Variants in GLO1 observed in about 807,000 individuals in gnomAD.
GLO1 encodes glyoxalase I.
In GLO1, 28 loss-of-function variants were observed where a neutral mutation model predicts 26.0. The ratio of observed to expected loss-of-function variants is 1.08; its 90% confidence interval spans 0.80 to 1.48. The LOEUF is 1.48. Ranked by LOEUF, GLO1 falls within the 40% of genes most tolerant of loss-of-function variation. The pLI, the probability that GLO1 is intolerant of heterozygous loss-of-function variation, is 0.00. For synonymous variants in GLO1, 78 were observed against 77.6 expected, an observed-to-expected ratio of 1.00 and a Z score of -0.03; for missense variants, 225 against 224.8, an observed-to-expected ratio of 1.00 and a Z score of -0.01.
rs1761237610 is a variant in GLO1, at chr6:38,676,255, A to G, written c.*1040T>C. On this transcript the variant is annotated 3_prime_UTR_variant, in exon 6 of 6. Coordinates refer to ENST00000373365, the MANE Select transcript of GLO1 (RefSeq NM_006708.3). ...TTTCTGATAACTAAGTTATCACTGA[A>G]CATAATTTATCATATATGGCTACTG... The G allele has an allele frequency of 6.6e-6, 1 of 152,200 alleles. No individual in the cohort carries two copies. Among genetic ancestry groups the G allele is most frequent in the African/African-American group, 2.4e-5 (1 of 41,444 alleles). 9.4% of individuals were successfully genotyped at this position (152,200 alleles called of 1,614,324 possible).
intron 1 of GLO1, among the ~76,000 whole-genome samples, chr6:38,697,099 G>A (rs1170828160): frequency 2.6e-5 from 4 of 151,940 alleles, no homozygotes. Flanking sequence ...ATTTTTAGTA[G>A]ACACAGGGTT....
intron 1 of GLO1, among the ~76,000 whole-genome samples, chr6:38,700,929 G>A (rs779392026): frequency 5.3e-5 from 8 of 151,882 alleles, no homozygotes; most frequent in Non-Finnish European, 7.4e-5. Context: ...ACAGGTGCCC[G>A]CCACCATGCC....
At chr6:38,694,120 G>A (rs1761574603) in intron 1 of GLO1, among the ~76,000 whole-genome samples, 1 of 152,070 alleles carries the variant, frequency 6.6e-6, no homozygotes, top group Non-Finnish European at 1.5e-5. Flanking sequence ...TTCTTATTAT[G>A]TTTCTGCTAC....
In GLO1 at chr6:38,703,033, A is replaced by G. The variant is rs755212608; in HGVS notation, c.22T>C (p.Ser8Pro). Residue 8 changes from serine (S) to proline (P), a missense_variant, in exon 1 of 6, where the codon TCC (serine) becomes CCC (proline). By Grantham distance (74) the Ser-to-Pro change is moderately conservative (BLOSUM62 -1). Transcript: ENST00000373365. ...GCGGCCTCGTCCGTGAGGCCGCCGG[A>G]CGGGGGCTGCGGTTCTGCCATGGCT... MAEPQPP[S>P]GGLTDEAALS... 7 of 1,592,618 alleles carry G rather than the reference A, an allele frequency of 4.4e-6. No individual in the cohort carries two copies. The highest frequency in any genetic ancestry group is 6.0e-6 in the Non-Finnish European group (7 of 1,165,526).
chr6:38,699,302 T>C (rs541797922), intron 1 of GLO1, among the ~76,000 whole-genome samples: 2 of 152,338 alleles, frequency 1.3e-5, no homozygotes, highest in South Asian at 2.1e-4. Context: ...AATCTCTTAA[T>C]CCTGTTATCT....
At chr6:38,681,252 C>T (rs903091801) in intron 5 of GLO1, among the ~76,000 whole-genome samples, 3 of 152,104 alleles carry the variant, frequency 2.0e-5, no homozygotes, top group Admixed American at 6.6e-5. Context: ...TTGGTAGAGA[C>T]AGGGTTTCAC....
Position 38,684,369 on chromosome 6 carries a change from C to T in GLO1, c.308+5G>A. The T allele has an allele frequency of 7.2e-7, 1 of 1,389,234 alleles. No individual in the cohort carries two copies. The allele number at this position is 1,389,234 out of a possible 1,614,324, so 86.1% of individuals were successfully genotyped here. A position where few individuals can be genotyped will look rare whatever the true frequency, so the allele number is the denominator to read the frequency against. On this transcript the variant is annotated splice_donor_5th_base_variant and intron_variant, in intron 3 of 5. Coordinates refer to ENST00000373365, the MANE Select transcript of GLO1 (RefSeq NM_006708.3). The stretch of plus-strand genomic sequence containing the variant: ...ATATATATAAATATAGAAACTCATA[C>T]TCACTGTGTCAGCTCAAGTGTAGCT...
chr6:38,681,352 A>G (rs185101249), intron 5 of GLO1, among the ~76,000 whole-genome samples: 204 of 152,292 alleles, frequency 1.3e-3, no homozygotes, highest in Admixed American at 7.6e-3. Flanking sequence ...GTGAGCCACC[A>G]CGCCCAGCAC....
chr6:38,702,697 T>C (rs958972428), intron 1 of GLO1, among the ~76,000 whole-genome samples: 1 of 152,166 alleles, frequency 6.6e-6, no homozygotes, highest in Non-Finnish European at 1.5e-5. Flanking sequence ...AAGCTGACCC[T>C]GGGTTGGCCT....
At chr6:38,701,934 T>A (rs1761706671) in intron 1 of GLO1, among the ~76,000 whole-genome samples, 1 of 151,182 alleles carries the variant, frequency 6.6e-6, no homozygotes, top group Admixed American at 6.6e-5. Context: ...CTGAATTTTT[T>A]TTTTTTTTTT....
chr6:38,698,044 T>A (rs1761637570), intron 1 of GLO1, among the ~76,000 whole-genome samples: 1 of 152,212 alleles, frequency 6.6e-6, no homozygotes, highest in Non-Finnish European at 1.5e-5. Flanking sequence ...CACCAACGGT[T>A]ATCACCACTC....
Position 38,703,018 on chromosome 6 carries a change from C to T in GLO1, c.37G>A (p.Asp13Asn), listed in dbSNP as rs1761731350. Residue 13 changes from aspartate (D) to asparagine (N), a missense_variant, in exon 1 of 6, where the codon GAC becomes AAC. Coordinates refer to ENST00000373365, the MANE Select transcript of GLO1 (RefSeq NM_006708.3). ...EPQPPSGGLT[D>N]EAALSCCSDA... is the part of the protein sequence containing the mutation. ...GAGCAGCAACTGAGGGCGGCCTCGT[C>T]CGTGAGGCCGCCGGACGGGGGCTGC... 1 of 1,594,872 alleles carries T rather than the reference C, an allele frequency of 6.3e-7. No homozygotes were observed. Among genetic ancestry groups the T allele is most frequent in the African/African-American group, 1.4e-5 (1 of 73,924 alleles).
chr6:38,700,707 C>G (rs1311082961), intron 1 of GLO1, among the ~76,000 whole-genome samples: 2 of 152,048 alleles, frequency 1.3e-5, no homozygotes, highest in African/African-American at 4.8e-5. Context: ...ATCCCAGTAT[C>G]CCCAAAGTAC....
chr6:38,682,073 T>C lies in GLO1; in HGVS notation c.405A>G (p.Val135=). The C allele has an allele frequency of 6.3e-7, 1 of 1,593,974 alleles. No individual in the cohort carries two copies. Among genetic ancestry groups the C allele is most frequent in the Non-Finnish European group, 8.6e-7 (1 of 1,161,680 alleles). Reference sequence around the variant, plus strand: ...CTTCAAACCTTTTACAAGCACTGTATACATCAGGAACAGCAATTCCAATAT... The same window carrying C: ...CTTCAAACCTTTTACAAGCACTGTACACATCAGGAACAGCAATTCCAATAT... ...FGHIGIAVPD[V]YSACKRFEEL... The change falls in exon 5 of 6, where the codon GTA becomes GTG. Residue 135 remains valine, a synonymous_variant. Transcript: ENST00000373365.
intron 5 of GLO1, among the ~76,000 whole-genome samples, chr6:38,680,364 A>G (rs1761352617): frequency 6.6e-6 from 1 of 152,130 alleles, no homozygotes; most frequent in Non-Finnish European, 1.5e-5. Flanking sequence ...TCTACTAAAA[A>G]TACAAAATTA....
chr6:38,683,236 A>C, intron 3 of GLO1: 1 of 180,828 alleles, frequency 5.5e-6, no homozygotes, highest in Non-Finnish European at 1.2e-5. Context: ...TTAGAGTCAC[A>C]GACTCATATC....
intron 2 of GLO1, among the ~76,000 whole-genome samples, chr6:38,685,549 C>A (rs1461650370): frequency 6.6e-6 from 1 of 152,122 alleles, no homozygotes; most frequent in Admixed American, 6.5e-5. Context: ...GTTCTGCTTC[C>A]AATCTTTTAT....
At chr6:38,687,972 A>G (rs999904366) in intron 1 of GLO1, among the ~76,000 whole-genome samples, 10 of 151,916 alleles carry the variant, frequency 6.6e-5, no homozygotes, top group African/African-American at 2.2e-4. Context: ...TTGGAGCCAC[A>G]TGCCATCTTT....
At chr6:38,700,773 T>C (rs1441327883) in intron 1 of GLO1, among the ~76,000 whole-genome samples, 2 of 146,728 alleles carry the variant, frequency 1.4e-5, no homozygotes, top group African/African-American at 5.2e-5. Context: ...CTGAATTTAA[T>C]TCATTGAGGG....
Sources: gnomAD v4.1 joint callset for allele counts (sites outside exome capture counted in the v4.1 genomes callset) on GRCh38, gnomAD v4.1.1 for gene constraint, MANE v1.5 for transcripts, NCBI Gene and HGNC (gene_info 2026-07-23, HGNC 2026-07-21) for gene names.